MAD1L1: variants seen among roughly 807,000 people sequenced by gnomAD.
MAD1L1 encodes mitotic spindle assembly checkpoint protein MAD1.
MAD1L1 carries 95 observed loss-of-function variants against 96.9 expected under a neutral mutation model. The ratio of observed to expected loss-of-function variants is 0.98; its 90% confidence interval spans 0.83 to 1.16. The LOEUF is 1.16. Ranked by LOEUF, MAD1L1 falls within the 50% of genes most tolerant of loss-of-function variation. The pLI, the probability that MAD1L1 is intolerant of heterozygous loss-of-function variation, is 0.00. For missense variants in MAD1L1, 1,007 were observed against 954.4 expected, an observed-to-expected ratio of 1.06 and a Z score of -0.73; for synonymous variants, 473 against 396.6, an observed-to-expected ratio of 1.19 and a Z score of -2.29.
chr7:1,925,348 G>A (rs1166230397), intron 17 of MAD1L1, among the ~76,000 whole-genome samples: 1 of 152,190 alleles, frequency 6.6e-6, no homozygotes, highest in African/African-American at 2.4e-5. Context: ...AATCTGTATG[G>A]ATCACAGCAG....
In MAD1L1 at chr7:2,146,095, A is replaced by G. The variant is rs1027241173; in HGVS notation, c.1073+3057T>C. Among the ~76,000 whole-genome samples, 1 of 152,200 alleles carries G rather than the reference A, an allele frequency of 6.6e-6. No individual in the cohort carries two copies. Among genetic ancestry groups the G allele is most frequent in the Non-Finnish European group, 1.5e-5 (1 of 68,034 alleles). On this transcript the variant is annotated intron_variant, in intron 11 of 18. Coordinates refer to ENST00000265854, the MANE Select transcript of MAD1L1 (RefSeq NM_001013836.2). This position sits in a 1 kb window ranked among gnomAD's most constrained non-coding sequence, Gnocchi z 6.2. Reference sequence around the variant, plus strand: ...CGGCACACTACGCCGGCTGATAGGCAACATTCATCTTCTAAAAGCCAAGCT... The same window carrying G: ...CGGCACACTACGCCGGCTGATAGGCGACATTCATCTTCTAAAAGCCAAGCT...
At chr7:1,841,311 G>A (rs993485301) in intron 18 of MAD1L1, among the ~76,000 whole-genome samples, 11 of 152,368 alleles carry the variant, frequency 7.2e-5, no homozygotes, top group African/African-American at 2.4e-4. Context: ...CGTCTCGCCC[G>A]GCTGCATCTG....
intron 14 of MAD1L1, among the ~76,000 whole-genome samples, chr7:1,984,145 T>C (rs60865755): frequency 0.05 from 7,553 of 152,344 alleles, 438 homozygotes; most frequent in African/African-American, 0.14. Context: ...TATGCACTTT[T>C]GAATCGTACT....
intron 18 of MAD1L1, among the ~76,000 whole-genome samples, chr7:1,855,607 G>A (rs1463843444): frequency 3.3e-5 from 5 of 151,952 alleles, no homozygotes; most frequent in East Asian, 3.9e-4. Context: ...ACACACCCAC[G>A]GCCTCCTCAG....
chr7:2,228,065 C>A (rs1186798245), intron 3 of MAD1L1, among the ~76,000 whole-genome samples: 2 of 152,150 alleles, frequency 1.3e-5, no homozygotes, highest in Middle Eastern at 3.2e-3. Flanking sequence ...TGGGATGTGA[C>A]AGGGGCCAGG....
intron 14 of MAD1L1, among the ~76,000 whole-genome samples, chr7:1,983,049 G>A (rs755430715): frequency 4.6e-5 from 7 of 152,008 alleles, no homozygotes; most frequent in Admixed American, 6.5e-5. Flanking sequence ...AATTTCACTC[G>A]TGACATGTTA....
Position 1,968,936 on chromosome 7 carries a change from G to A in MAD1L1, c.1506-11217C>T, listed in dbSNP as rs1471622369. Among the ~76,000 whole-genome samples the A allele has an allele frequency of 4.6e-5, 7 of 152,350 alleles. No individual in the cohort carries two copies. Among genetic ancestry groups the A allele is most frequent in the African/African-American group, 1.7e-4 (7 of 41,576 alleles). Reference sequence around the variant, plus strand: ...TGGATCCAAACAAGGGCTGGAGACAGGCCCAGAGTCACACGCCGGTGACGA... The same window carrying A: ...TGGATCCAAACAAGGGCTGGAGACAAGCCCAGAGTCACACGCCGGTGACGA... On this transcript the variant is annotated intron_variant, in intron 15 of 18. Coordinates refer to ENST00000265854, the MANE Select transcript of MAD1L1 (RefSeq NM_001013836.2). The surrounding 1 kb of genome is among the most constrained non-coding windows in gnomAD (Gnocchi z 5.6).
At chr7:1,867,053 C>T (rs1784810071) in intron 18 of MAD1L1, among the ~76,000 whole-genome samples, 1 of 152,202 alleles carries the variant, frequency 6.6e-6, no homozygotes, top group African/African-American at 2.4e-5. Context: ...GCAGCACCTG[C>T]TGGCCCAGTG....
chr7:1,898,162 A>G (rs2128441914), intron 18 of MAD1L1, 38 bp downstream of exon 18: 1 of 1,561,070 alleles, frequency 6.4e-7, no homozygotes, highest in East Asian at 2.4e-5. Context: ...GGAGACAGAG[A>G]GCGAGACAGC....
At position 2,015,261 on chromosome 7, in the gene MAD1L1, G is replaced by A. The variant is rs147286240; in HGVS notation, c.1219-619C>T. Among the ~76,000 whole-genome samples the A allele has an allele frequency of 2.9e-3, 449 of 152,312 alleles. 2 individuals are homozygous for A. The highest frequency in any genetic ancestry group is 0.01 in the African/African-American group (422 of 41,566). On this transcript the variant is annotated intron_variant, in intron 12 of 18. Transcript: ENST00000265854. ...GGGCTCTCGGGAAGGCTGAGTCCCC[G>A]CTTTTCAGCTCTGGGCTGGGGAGCT...
chr7:1,891,451 G>C (rs765855196), intron 18 of MAD1L1, among the ~76,000 whole-genome samples: 1 of 152,152 alleles, frequency 6.6e-6, no homozygotes, highest in Non-Finnish European at 1.5e-5. Context: ...GCTTGAACCA[G>C]GGAGGCAGAG....
Position 2,014,596 on chromosome 7 carries a change from A to G in MAD1L1, c.1265T>C (p.Leu422Pro). 6.2e-7 allele frequency: 1 copy of G among 1,612,536 alleles called. No homozygotes were observed. The change falls in exon 13 of 19, where the codon CTG becomes CCG. Residue 422 changes from leucine to proline, a missense_variant. Physicochemically the swap from Leu to Pro is moderately conservative, Grantham distance 98 (BLOSUM62 -3). Coordinates refer to ENST00000265854, the MANE Select transcript of MAD1L1 (RefSeq NM_001013836.2). ...CTGGGGTGAGTACTCGGCCGGGGTC[A>G]GCTCGCTGTCGTAGGACCCCAGGAT... The part of the protein sequence containing the change: ...RAILGSYDSE[L>P]TPAEYSPQLT...
chr7:2,129,531 C>T (rs972059417), intron 11 of MAD1L1, among the ~76,000 whole-genome samples: 1 of 152,138 alleles, frequency 6.6e-6, no homozygotes, highest in Non-Finnish European at 1.5e-5. Context: ...TCTCAGAGTC[C>T]AGTCACACAC....
At chr7:1,998,498 G>A (rs1332967997) in intron 14 of MAD1L1, among the ~76,000 whole-genome samples, 1 of 152,206 alleles carries the variant, frequency 6.6e-6, no homozygotes, top group Non-Finnish European at 1.5e-5. Flanking sequence ...CCCCAGGCAC[G>A]TTTCAATTCA....
chr7:1,874,345 G>T (rs1056397104), intron 18 of MAD1L1, among the ~76,000 whole-genome samples: 1 of 152,156 alleles, frequency 6.6e-6, no homozygotes, highest in African/African-American at 2.4e-5. Context: ...CGTGGCTTGG[G>T]ATGGTCAGGG....
rs182958131 is a variant in MAD1L1 at position 2,030,517 on chromosome 7, G to A, written c.1219-15875C>T. ...TTACGCTAATTAGAGCCTGTTACAC[G>A]CGGGCCCCTGAACAGCCTTGATGTG... On this transcript the variant is annotated intron_variant, in intron 12 of 18. Transcript: ENST00000265854. 5.3e-5 allele frequency among the ~76,000 whole-genome samples: 8 copies of A among 152,298 alleles called. No individual in the cohort carries two copies. In the East Asian group the frequency reaches 1.2e-3, roughly 22 times the overall value.
intron 15 of MAD1L1, among the ~76,000 whole-genome samples, chr7:1,958,272 A>G (rs1478379428): frequency 2.0e-5 from 3 of 152,232 alleles, no homozygotes; most frequent in Non-Finnish European, 4.4e-5. Context: ...CACAGTGGGA[A>G]TAGAATACAA....
intron 18 of MAD1L1, chr7:1,849,298 G>A (rs1783832805): frequency 6.6e-6 from 1 of 152,232 alleles, no homozygotes. Flanking sequence ...AAATCTCCAA[G>A]TGAGGAGGGG....
intron 11 of MAD1L1, among the ~76,000 whole-genome samples, chr7:2,075,088 G>A (rs1422996977): frequency 6.6e-6 from 1 of 152,202 alleles, no homozygotes; most frequent in African/African-American, 2.4e-5. Context: ...GCTGGCATGT[G>A]TCCATGAGGT....
Sources: allele counts gnomAD v4.1 joint callset (sites outside exome capture counted in the v4.1 genomes callset), GRCh38; gene constraint gnomAD v4.1.1; non-coding constraint Gnocchi (gnomAD v3.1); transcripts MANE v1.5; gene names NCBI Gene and HGNC (gene_info 2026-07-23, HGNC 2026-07-21).